The following CDK11B variants were observed in gnomAD, a reference collection of about 807,000 sequenced individuals.
CDK11B encodes the protein cyclin dependent kinase 11B, also known as cyclin-dependent kinase 11B.
In CDK11B, 37 loss-of-function variants were observed where a neutral mutation model predicts 84.0. That is an observed-to-expected ratio of 0.44 (90% CI 0.34 to 0.58). The LOEUF is 0.58. CDK11B is among the 20% of genes least tolerant of loss of function. The probability of loss-of-function intolerance (pLI) is 0.02; values close to 1 mark genes in which losing one functional copy is unlikely to be tolerated. For synonymous variants in CDK11B, 269 were observed against 309.8 expected (o/e 0.87, Z 1.38); for missense variants, 427 against 834.0 (o/e 0.51, Z 6.01).
Position 1,655,476 on chromosome 1 carries a change from G to C in CDK11B, c.120C>G (p.Asp40Glu). Residue 40 changes from aspartate to glutamate, a missense_variant, in exon 3 of 20, where the codon GAC (aspartate) becomes GAG (glutamate). Transcript: ENST00000341832. The stretch of plus-strand genomic sequence containing the variant: ...CAAGGGAATCCCGCTTGGAATCCCG[G>C]TCATCAGACTAAGAAGCAAAGAGAA... ...AEIKRLKNSD[D>E]RDSKRDSLEE... 2 of 1,609,374 alleles carry C rather than the reference G, an allele frequency of 1.2e-6. No homozygotes were observed. Among genetic ancestry groups the C allele is most frequent in the East Asian group, 4.5e-5 (2 of 44,854 alleles).
intron 18 of CDK11B, 50 bp from the exon 19 acceptor site, chr1:1,636,176 G>C: frequency 2.8e-6 from 2 of 703,084 alleles, no homozygotes; most frequent in South Asian, 3.8e-5. Context: ...GCTCCACTGG[G>C]TCCCCCAAAG....
At chr1:1,652,286 T>C (rs1320590703) in intron 4 of CDK11B, among the ~76,000 whole-genome samples, 153 bp downstream of exon 4, 4 of 152,238 alleles carry the variant, frequency 2.6e-5, no homozygotes, top group African/African-American at 7.2e-5. Context: ...ATTCTCTCTA[T>C]AGCCATTCTG....
intron 4 of CDK11B, among the ~76,000 whole-genome samples, chr1:1,650,250 A>T: frequency 7.5e-6 from 1 of 133,668 alleles, no homozygotes; most frequent in Non-Finnish European, 1.5e-5. Flanking sequence ...AGCCTGGGTG[A>T]CAAGCAAGAC....
At chr1:1,656,740 C>T (rs926997513) in intron 2 of CDK11B, among the ~76,000 whole-genome samples, 3 of 151,884 alleles carry the variant, frequency 2.0e-5, no homozygotes, top group Non-Finnish European at 2.9e-5. Flanking sequence ...TGCGAGACTC[C>T]GTCTCAAAAA....
intron 5 of CDK11B, 39 bp downstream of exon 5, chr1:1,649,460 G>C: frequency 1.4e-6 from 2 of 1,411,330 alleles, no homozygotes; most frequent in Middle Eastern, 1.8e-4. Flanking sequence ...CACTACCACA[G>C]CCCTTTTATA....
chr1:1,637,313 A>T, intron 14 of CDK11B, 95 bp downstream of exon 14: 1 of 1,567,656 alleles, frequency 6.4e-7, no homozygotes, highest in Non-Finnish European at 8.7e-7. Context: ...TTCCCTGTGG[A>T]TGCAGCTGGC....
At chr1:1,654,233 G>C (rs910594577) in intron 3 of CDK11B, 23 of 444,014 alleles carry the variant, frequency 5.2e-5, no homozygotes, top group Non-Finnish European at 9.4e-5. Context: ...AACAGTTCAT[G>C]GCACAGGAAG....
At chr1:1,654,243 G>A (rs923458691) in intron 3 of CDK11B, 1 of 440,874 alleles carries the variant, frequency 2.3e-6, no homozygotes, top group Non-Finnish European at 4.5e-6. Flanking sequence ...GGCACAGGAA[G>A]AAACGTCGGA....
chr1:1,650,370 C>CT (rs1214383150), intron 4 of CDK11B, among the ~76,000 whole-genome samples: 27,460 of 119,994 alleles, frequency 0.23, 3,102 homozygotes, highest in African/African-American at 0.28. Context: ...TCTTTTTTTT[C>CT]TTTTTTTTTT....
At chr1:1,648,766 T>C (rs1278087277) in intron 5 of CDK11B, among the ~76,000 whole-genome samples, 2 of 152,156 alleles carry the variant, frequency 1.3e-5, no homozygotes, top group African/African-American at 4.8e-5. Flanking sequence ...TCAAGGTTTT[T>C]AGGATCTCCC....
intron 3 of CDK11B, among the ~76,000 whole-genome samples, chr1:1,653,825 TACACACACACACACACACACAC>T (rs782129056): frequency 1.6e-5 from 2 of 121,844 alleles, no homozygotes; most frequent in East Asian, 2.8e-4. Context: ...CTACTAAAAA[TACACACACACACACACACACAC>T]ACACACACAC....
chr1:1,648,633 CACGGA>C (rs1280898118), intron 5 of CDK11B, among the ~76,000 whole-genome samples: 1 of 152,082 alleles, frequency 6.6e-6, no homozygotes, highest in African/African-American at 2.4e-5. Flanking sequence ...TTTCCTGGTT[CACGGA>C]ACAGATCTGG....
In CDK11B at chr1:1,635,868, C is replaced by T. The variant is rs1308474994; in HGVS notation, c.2257-12G>A. On this transcript the variant is annotated splice_polypyrimidine_tract_variant and intron_variant, in intron 19 of 19. Transcript: ENST00000341832. Reference sequence around the variant, plus strand: ...AGGTCGTCGTCACCCTGGGACGAGTCGGCTACCGTGAGAACCCTGCCCAAG... The same window carrying T: ...AGGTCGTCGTCACCCTGGGACGAGTTGGCTACCGTGAGAACCCTGCCCAAG... 24 of 335,028 alleles carry T rather than the reference C, an allele frequency of 7.2e-5. 1 individual carries two copies. Among genetic ancestry groups the T allele is most frequent in the African/African-American group, 3.2e-4 (3 of 9,244 alleles). 20.8% of individuals were successfully genotyped at this position (335,028 alleles called of 1,614,324 possible). A position where few individuals can be genotyped will look rare whatever the true frequency, so the allele number is the denominator to read the frequency against.
chr1:1,653,670 C>T (rs1357768868), intron 3 of CDK11B, among the ~76,000 whole-genome samples: 1 of 151,758 alleles, frequency 6.6e-6, no homozygotes, highest in Non-Finnish European at 1.5e-5. Flanking sequence ...TATTTATTCC[C>T]CAATAAATCT....
intron 5 of CDK11B, 146 bp downstream of exon 5, chr1:1,649,353 G>C: frequency 1.7e-6 from 1 of 590,300 alleles, no homozygotes. Context: ...CGCCCACCTC[G>C]GCCTCCCAAA....
At position 1,636,677 on chromosome 1, in the gene CDK11B, C is replaced by T; in HGVS notation, c.1917+5G>A. 3 of 1,613,920 alleles carry T rather than the reference C, an allele frequency of 1.9e-6. No homozygotes were observed. Among genetic ancestry groups the T allele is most frequent in the Non-Finnish European group, 2.5e-6 (3 of 1,179,818 alleles). On this transcript the variant is annotated splice_donor_5th_base_variant and intron_variant, in intron 17 of 19. Coordinates refer to ENST00000341832, the MANE Select transcript of CDK11B (RefSeq NM_033486.3). ...ACAGCGCACCTGCAGCAGGGCCAGA[C>T]CCACCTTGAACACCTTGTTGATCTG... is the stretch of plus-strand genomic sequence containing the variant.
In CDK11B at chr1:1,636,702, G is replaced by C. The variant is rs375076568; in HGVS notation, c.1897C>G (p.Gln633Glu). Residue 633 changes from glutamine to glutamate, a missense_variant, in exon 17 of 20, where the codon CAG (glutamine) becomes GAG (glutamate). Transcript: ENST00000341832. The part of the protein sequence containing the change: ...PLFPGKSEID[Q>E]INKVFKDLGT... The stretch of plus-strand genomic sequence containing the variant: ...CCCACCTTGAACACCTTGTTGATCT[G>C]ATCGATTTCTGACTTCCCGGGGAAC... 2 of 1,613,984 alleles carry C rather than the reference G, an allele frequency of 1.2e-6. No homozygotes were observed. The highest frequency in any genetic ancestry group is 1.7e-5 in the Admixed American group (1 of 60,024).
intron 5 of CDK11B, chr1:1,645,667 C>G (rs567853861): frequency 3.0e-6 from 1 of 335,186 alleles, no homozygotes; most frequent in Non-Finnish European, 5.8e-6. Context: ...CCCGAGCCAC[C>G]GTGCCCAGCT....
At chr1:1,648,735 G>A (rs372624639) in intron 5 of CDK11B, among the ~76,000 whole-genome samples, 1 of 152,058 alleles carries the variant, frequency 6.6e-6, no homozygotes, top group African/African-American at 2.4e-5. Flanking sequence ...GGGAGTCCAG[G>A]GTCCCGAATT....
Sources: gnomAD v4.1 joint callset for allele counts (sites outside exome capture counted in the v4.1 genomes callset) on GRCh38, gnomAD v4.1.1 for gene constraint, MANE v1.5 for transcripts, NCBI Gene and HGNC (gene_info 2026-07-23, HGNC 2026-07-21) for gene names.